Variants in DNAJB4 observed in about 807,000 individuals in gnomAD.
DNAJB4 encodes the protein DnaJ heat shock protein family (Hsp40) member B4, also known as dnaJ homolog subfamily B member 4.
In DNAJB4, 10 loss-of-function variants were observed where a neutral mutation model predicts 26.6. That is an observed-to-expected ratio of 0.38 (90% CI 0.23 to 0.64). DNAJB4 has a LOEUF of 0.64. Ranked by LOEUF, DNAJB4 falls within the 30% of genes least tolerant of loss-of-function variation. DNAJB4 has a pLI of 0.58. For synonymous variants in DNAJB4, 136 were observed against 134.8 expected, an observed-to-expected ratio of 1.01 and a Z score of -0.06; for missense variants, 328 against 408.2, an observed-to-expected ratio of 0.80 and a Z score of 1.69.
chr1:78,005,123 T>C lies in DNAJB4; in HGVS notation c.13T>C (p.Tyr5His). MGKD[Y>H]YCILGIEKGA... ...CAAGGCATTCGAAATGGGGAAAGAC[T>C]ATTATTGCATTTTGGGAATTGAGAA... Residue 5 changes from tyrosine (Y) to histidine (H), a missense_variant, in exon 1 of 3, where the codon TAT (tyrosine) becomes CAT (histidine). Tyr to His is a moderately conservative substitution (Grantham distance 83, BLOSUM62 2). Coordinates refer to ENST00000370763, the MANE Select transcript of DNAJB4 (RefSeq NM_007034.5). 6.2e-7 allele frequency: 1 copy of C among 1,613,776 alleles called. No homozygotes were observed. The highest frequency in any genetic ancestry group is 8.5e-7 in the Non-Finnish European group (1 of 1,179,900).
chr1:77,981,969 C>G (rs1275488082), intron 1 of DNAJB4, among the ~76,000 whole-genome samples: 2 of 152,058 alleles, frequency 1.3e-5, no homozygotes, highest in Non-Finnish European at 2.9e-5. Flanking sequence ...AAATTTGGAG[C>G]TCTCCACCTC....
In DNAJB4 at chr1:78,017,898, T is replaced by C. The variant is rs1021329303; in HGVS notation, c.*1651T>C. The C allele has an allele frequency of 6.6e-6, 1 of 152,154 alleles. No individual in the cohort carries two copies. The highest frequency in any genetic ancestry group is 2.4e-5 in the African/African-American group (1 of 41,466). 9.4% of individuals were successfully genotyped at this position (152,154 alleles called of 1,614,324 possible). On this transcript the variant is annotated 3_prime_UTR_variant, in exon 3 of 3. Coordinates refer to ENST00000370763, the MANE Select transcript of DNAJB4 (RefSeq NM_007034.5). Reference sequence around the variant, plus strand: ...TGGATATACCACAATTTGTTTATCTTTTCATTAATTATGGGCATTTGGCTT... The same window carrying C: ...TGGATATACCACAATTTGTTTATCTCTTCATTAATTATGGGCATTTGGCTT...
chr1:77,984,177 T>G (rs927324082), intron 1 of DNAJB4, among the ~76,000 whole-genome samples: 2 of 152,218 alleles, frequency 1.3e-5, no homozygotes, highest in African/African-American at 4.8e-5. Flanking sequence ...TTGCTCCACT[T>G]TAATCAAATG....
chr1:77,997,489 C>T (rs890683022), intron 1 of DNAJB4, among the ~76,000 whole-genome samples: 6 of 152,084 alleles, frequency 3.9e-5, no homozygotes, highest in Middle Eastern at 3.4e-3. Flanking sequence ...GCCTCGGTGA[C>T]AGTAAAACCC....
intron 1 of DNAJB4, among the ~76,000 whole-genome samples, chr1:78,011,444 A>T (rs1420628809): frequency 6.6e-6 from 1 of 151,924 alleles, no homozygotes. Flanking sequence ...CCTCATTATT[A>T]GAATTTTTTT....
At chr1:78,003,773 G>A (rs989772472), upstream of DNAJB4, among the ~76,000 whole-genome samples, 3 of 151,752 alleles carry the variant, frequency 2.0e-5, no homozygotes, top group African/African-American at 4.8e-5. Context: ...TTCAAAAGCA[G>A]GCATCAAAAG....
intron 1 of DNAJB4, among the ~76,000 whole-genome samples, chr1:77,985,001 G>A (rs957498529): frequency 3.3e-5 from 5 of 152,150 alleles, no homozygotes; most frequent in African/African-American, 1.2e-4. Flanking sequence ...TTTATTTTGT[G>A]AACTGTCTTC....
At chr1:78,003,732 T>G (rs1660247976), upstream of DNAJB4, among the ~76,000 whole-genome samples, 1 of 152,052 alleles carries the variant, frequency 6.6e-6, no homozygotes, top group Non-Finnish European at 1.5e-5. Flanking sequence ...ACATAGAAAA[T>G]GTCTCATAAA....
At chr1:77,994,694 G>A (rs527793578) in intron 1 of DNAJB4, among the ~76,000 whole-genome samples, 18 of 151,796 alleles carry the variant, frequency 1.2e-4, no homozygotes, top group Non-Finnish European at 1.9e-4. Context: ...AAAGATAAAA[G>A]TGAAAATCAC....
chr1:78,010,777 C>T (rs1161088027), intron 1 of DNAJB4, among the ~76,000 whole-genome samples: 1 of 152,198 alleles, frequency 6.6e-6, no homozygotes, highest in Non-Finnish European at 1.5e-5. Flanking sequence ...TTAAATCTCT[C>T]ATATATGTAT....
intron 1 of DNAJB4, among the ~76,000 whole-genome samples, chr1:77,990,054 T>C (rs1659895053): frequency 6.6e-6 from 1 of 152,200 alleles, no homozygotes; most frequent in South Asian, 2.1e-4. Context: ...AAATCAACCC[T>C]GAGCCATCCC....
At chr1:78,005,794 G>C (rs1660316502) in intron 1 of DNAJB4, among the ~76,000 whole-genome samples, 2 of 152,174 alleles carry the variant, frequency 1.3e-5, no homozygotes, top group Admixed American at 6.5e-5. Flanking sequence ...AAAACAAAAA[G>C]TAGTTTTTTG....
chr1:77,993,781 G>A (rs1286915517), intron 1 of DNAJB4, among the ~76,000 whole-genome samples: 1 of 152,034 alleles, frequency 6.6e-6, no homozygotes, highest in Non-Finnish European at 1.5e-5. Flanking sequence ...TTAATAACTT[G>A]AACATTAAAA....
chr1:77,984,815 AG>A (rs1659754033), intron 1 of DNAJB4, among the ~76,000 whole-genome samples: 1 of 152,218 alleles, frequency 6.6e-6, no homozygotes. Flanking sequence ...ATGGCACTGA[AG>A]GGTAGTTTCA....
chr1:77,986,371 A>G (rs1170813407), intron 1 of DNAJB4, among the ~76,000 whole-genome samples: 1 of 152,218 alleles, frequency 6.6e-6, no homozygotes. Context: ...CAACTCAAAC[A>G]ATAAAAATCT....
chr1:78,010,888 TAGTTCA>T (rs1660453083), intron 1 of DNAJB4, among the ~76,000 whole-genome samples: 1 of 152,202 alleles, frequency 6.6e-6, no homozygotes, highest in Non-Finnish European at 1.5e-5. Context: ...CTTTAGGAAT[TAGTTCA>T]TTCCCTTCAT....
At chr1:77,988,015 A>G (rs113985876) in intron 1 of DNAJB4, among the ~76,000 whole-genome samples, 3,681 of 145,012 alleles carry the variant, frequency 0.025, 60 homozygotes, top group Middle Eastern at 0.065. Flanking sequence ...TTATATATAT[A>G]TGTGTGTGTG....
intron 1 of DNAJB4, among the ~76,000 whole-genome samples, chr1:77,989,915 C>G (rs1659892452): frequency 6.6e-6 from 1 of 152,164 alleles, no homozygotes; most frequent in African/African-American, 2.4e-5. Context: ...GGGGTTTCTC[C>G]TTGGTGGATA....
At chr1:77,983,535 C>G (rs140060613) in intron 1 of DNAJB4, among the ~76,000 whole-genome samples, 1 of 152,146 alleles carries the variant, frequency 6.6e-6, no homozygotes, top group South Asian at 2.1e-4. Flanking sequence ...GAGGTCCCTG[C>G]GGCCTTCCAC....
Sources: allele counts gnomAD v4.1 joint callset (sites outside exome capture counted in the v4.1 genomes callset), GRCh38; gene constraint gnomAD v4.1.1; transcripts MANE v1.5; gene names NCBI Gene and HGNC (gene_info 2026-07-23, HGNC 2026-07-21).